The following RAB38 variants were observed in gnomAD, a reference collection of about 807,000 sequenced individuals.
The protein encoded by RAB38 is RAB38, member RAS oncogene family.
A neutral mutation model predicts 18.4 loss-of-function variants in RAB38; 15 were observed. The observed-to-expected ratio is 0.82, with a 90% confidence interval of 0.55 to 1.26. RAB38 has a LOEUF of 1.26. RAB38 is among the 50% of genes most tolerant of loss of function. RAB38 has a pLI of 0.00. For synonymous variants in RAB38, 101 were observed against 104.4 expected (o/e 0.97, Z 0.20); for missense variants, 294 against 267.4 (o/e 1.10, Z -0.69).
At chr11:88,128,736 C>T (rs991003461) in intron 2 of RAB38, among the ~76,000 whole-genome samples, 1 of 152,202 alleles carries the variant, frequency 6.6e-6, no homozygotes, top group Non-Finnish European at 1.5e-5. Flanking sequence ...TGAGGAAGGA[C>T]TCTGATGACT....
the RAB38 span, among the ~76,000 whole-genome samples, chr11:87,934,253 G>C: frequency 3.7e-4 from 57 of 152,202 alleles, no homozygotes; most frequent in African/African-American, 1.3e-3. Flanking sequence ...CCATGAAATA[G>C]GGGCCTATTT....
intron 1 of RAB38, among the ~76,000 whole-genome samples, chr11:88,160,364 A>G (rs1943176115): frequency 6.6e-6 from 1 of 152,118 alleles, no homozygotes; most frequent in Non-Finnish European, 1.5e-5. Context: ...AATGGAATGC[A>G]TATACACTTT....
intron 1 of RAB38, among the ~76,000 whole-genome samples, chr11:88,156,517 C>T (rs572268833): frequency 7.2e-5 from 11 of 152,218 alleles, no homozygotes; most frequent in South Asian, 2.1e-4. Context: ...GCCTGGCCAA[C>T]GTAATGAAAT....
chr11:87,921,911 T>C, the RAB38 span, among the ~76,000 whole-genome samples: 3 of 151,802 alleles, frequency 2.0e-5, no homozygotes, highest in African/African-American at 7.3e-5. Flanking sequence ...ATGAAACACA[T>C]GAGCATAGGA....
At chr11:87,940,265 G>A in the RAB38 span, among the ~76,000 whole-genome samples, 2 of 151,766 alleles carry the variant, frequency 1.3e-5, no homozygotes, top group African/African-American at 4.8e-5. Context: ...AGCATAAATT[G>A]TGACATGGTC....
the RAB38 span, among the ~76,000 whole-genome samples, chr11:87,804,201 G>A: frequency 6.6e-6 from 1 of 152,270 alleles, no homozygotes; most frequent in African/African-American, 2.4e-5. Flanking sequence ...GTCTAATTGA[G>A]GGGTTTCCCC....
chr11:88,084,769 C>A, the RAB38 span, among the ~76,000 whole-genome samples: 1 of 151,654 alleles, frequency 6.6e-6, no homozygotes, highest in South Asian at 2.1e-4. Flanking sequence ...CTTTCCAGTT[C>A]TTTGGAAGTT....
At chr11:88,160,586 C>T (rs1342312628) in intron 1 of RAB38, among the ~76,000 whole-genome samples, 3 of 151,998 alleles carry the variant, frequency 2.0e-5, no homozygotes, top group African/African-American at 7.2e-5. Flanking sequence ...AACCTAGGTG[C>T]CCATCAATGG....
chr11:88,136,169 A>C (rs182758403), intron 2 of RAB38, among the ~76,000 whole-genome samples: 2 of 152,310 alleles, frequency 1.3e-5, no homozygotes, highest in East Asian at 1.9e-4. Context: ...GCACTCCCGT[A>C]GCATGTTAGG....
At chr11:88,077,816 G>A in the RAB38 span, among the ~76,000 whole-genome samples, 3 of 152,016 alleles carry the variant, frequency 2.0e-5, no homozygotes, top group African/African-American at 7.2e-5. Context: ...CTTTTGCATA[G>A]CTTTGTATCC....
At chr11:88,018,180 T>C in the RAB38 span, among the ~76,000 whole-genome samples, 3 of 145,542 alleles carry the variant, frequency 2.1e-5, no homozygotes, top group African/African-American at 5.7e-5. Context: ...CCCTATCAAC[T>C]TTTTTCTGCC....
the RAB38 span, among the ~76,000 whole-genome samples, chr11:88,091,696 GT>G: frequency 6.6e-6 from 1 of 151,964 alleles, no homozygotes; most frequent in Non-Finnish European, 1.5e-5. Flanking sequence ...GTCACCAAAT[GT>G]TGCAGGACAG....
At chr11:87,966,107 G>A in the RAB38 span, among the ~76,000 whole-genome samples, 1 of 152,036 alleles carries the variant, frequency 6.6e-6, no homozygotes, top group Non-Finnish European at 1.5e-5. Flanking sequence ...AGAGGATAGG[G>A]GCACTCAGAC....
the RAB38 span, among the ~76,000 whole-genome samples, chr11:87,976,975 ATAAAATATAATTACATTATACAAG>A: frequency 2.0e-3 from 65 of 32,808 alleles, 14 homozygotes; most frequent in African/African-American, 2.6e-3. Flanking sequence ...CAAGTATATT[ATAAAATATAATTACATTATACAAG>A]TATATTATAA....
the RAB38 span, among the ~76,000 whole-genome samples, chr11:87,842,867 G>A: frequency 4.6e-5 from 7 of 151,538 alleles, no homozygotes; most frequent in Non-Finnish European, 1.0e-4. Context: ...TATAAAAAAT[G>A]TTTGAGAAAC....
chr11:88,090,020 A>G, the RAB38 span, among the ~76,000 whole-genome samples: 1 of 151,876 alleles, frequency 6.6e-6, no homozygotes, highest in African/African-American at 2.4e-5. Flanking sequence ...GAGACTCTGG[A>G]GAGGGTGTTA....
chr11:88,059,714 A>G, the RAB38 span, among the ~76,000 whole-genome samples: 1 of 152,170 alleles, frequency 6.6e-6, no homozygotes, highest in South Asian at 2.1e-4. Context: ...CCCTCCTTGC[A>G]TGGCCTCAGG....
chr11:87,842,222 A>G, the RAB38 span, among the ~76,000 whole-genome samples: 2 of 152,344 alleles, frequency 1.3e-5, no homozygotes, highest in Admixed American at 1.3e-4. Flanking sequence ...GGAGAAGATG[A>G]CATGGAAGGC....
At chr11:88,120,730 G>T (rs1942618272) in intron 2 of RAB38, among the ~76,000 whole-genome samples, 1 of 152,108 alleles carries the variant, frequency 6.6e-6, no homozygotes, top group African/African-American at 2.4e-5. Flanking sequence ...TTCTTTAGAT[G>T]TCAAAGTGTA....
Sources: allele counts gnomAD v4.1 joint callset (sites outside exome capture counted in the v4.1 genomes callset), GRCh38; gene constraint gnomAD v4.1.1; transcripts MANE v1.5; gene names NCBI Gene and HGNC (gene_info 2026-07-23, HGNC 2026-07-21).